PTPN14: variants seen among roughly 807,000 people sequenced by gnomAD.
The protein encoded by PTPN14 is protein tyrosine phosphatase non-receptor type 14, also known as tyrosine-protein phosphatase non-receptor type 14.
A neutral mutation model predicts 126.8 loss-of-function variants in PTPN14; 53 were observed. The ratio of observed to expected loss-of-function variants is 0.42; its 90% CI spans 0.34 to 0.53. The LOEUF (loss-of-function observed/expected upper bound fraction) is 0.53, where lower values mean the gene tolerates loss of function less well. PTPN14 is among the 20% of genes least tolerant of loss of function. The pLI is 0.08. For missense variants in PTPN14, 1,257 were observed against 1,552.9 expected (o/e 0.81, Z 3.20); for synonymous variants, 630 against 599.3 (o/e 1.05, Z -0.75).
chr1:214,402,459 A>T (rs867195328), intron 6 of PTPN14, among the ~76,000 whole-genome samples: 1 of 141,984 alleles, frequency 7.0e-6, no homozygotes, highest in Admixed American at 7.1e-5. Context: ...AAAAAAAAAA[A>T]GCCACGATGA....
At chr1:214,393,550 C>G (rs1193332200) in intron 10 of PTPN14, 145 bp downstream of exon 10, 7 of 673,104 alleles carry the variant, frequency 1.0e-5, no homozygotes, top group African/African-American at 1.8e-5. Flanking sequence ...GTTTTCATTC[C>G]TGCCCTGGCT....
intron 1 of PTPN14, among the ~76,000 whole-genome samples, chr1:214,523,410 T>C (rs1367656372): frequency 1.3e-5 from 2 of 152,174 alleles, no homozygotes; most frequent in Non-Finnish European, 2.9e-5. Flanking sequence ...GCTCTATGTT[T>C]CGATACACAG....
chr1:214,376,169 C>T (rs760347819), intron 15 of PTPN14, 50 bp downstream of exon 15: 3 of 1,551,872 alleles, frequency 1.9e-6, no homozygotes, highest in African/African-American at 2.7e-5. Context: ...GCATTTTTCC[C>T]TTTAACCCAG....
chr1:214,361,850 C>T (rs1232473391), intron 18 of PTPN14, among the ~76,000 whole-genome samples: 1 of 152,172 alleles, frequency 6.6e-6, no homozygotes, highest in African/African-American at 2.4e-5. Context: ...GACAGCTGTC[C>T]CCACTCCCCA....
chr1:214,391,683 C>G (rs930199631), intron 10 of PTPN14, among the ~76,000 whole-genome samples: 3 of 144,696 alleles, frequency 2.1e-5, no homozygotes, highest in Admixed American at 1.4e-4. Context: ...ATAATACTTT[C>G]CCTCATTCTC....
chr1:214,400,857 T>C (rs1164519167), intron 7 of PTPN14, among the ~76,000 whole-genome samples: 2 of 152,164 alleles, frequency 1.3e-5, no homozygotes, highest in African/African-American at 2.4e-5. Context: ...TTGATGCACA[T>C]GGGCAGTTCT....
At chr1:214,452,693 C>T (rs1272590155) in intron 2 of PTPN14, among the ~76,000 whole-genome samples, 1 of 152,120 alleles carries the variant, frequency 6.6e-6, no homozygotes, top group African/African-American at 2.4e-5. Context: ...AAGCCTAAAC[C>T]AGTTTAGTTT....
intron 2 of PTPN14, among the ~76,000 whole-genome samples, chr1:214,461,761 T>C (rs1425272860): frequency 6.6e-6 from 1 of 152,166 alleles, no homozygotes; most frequent in Admixed American, 6.5e-5. Context: ...TGAGCCATGA[T>C]CATGCCACTG....
Position 214,443,088 on chromosome 1 carries a change from G to A in PTPN14, c.344+8717C>T, listed in dbSNP as rs563279610. Among the ~76,000 whole-genome samples, 10 of 152,256 alleles carry A rather than the reference G, an allele frequency of 6.6e-5. 1 individual carries two copies. In the East Asian group the frequency reaches 1.9e-3, roughly 29 times the overall value. ...TCCACCCGCCTCAGCCTCCCAAAGT[G>A]CTGGGATTACAGGCGTGAACCACCG... On this transcript the variant is annotated intron_variant, in intron 3 of 18. Transcript: ENST00000366956.
At position 214,384,597 on chromosome 1, in the gene PTPN14, T is replaced by C. The variant is rs776855837; in HGVS notation, c.1258A>G (p.Ile420Val). 1.2e-5 allele frequency: 19 copies of C among 1,614,022 alleles called. No individual in the cohort carries two copies. In the South Asian group the frequency reaches 2.1e-4, roughly 18 times the overall value. ...CTCGGGATGTAGTCGGCCCGCATGA[T>C]GTCACTCCCAGGGATACTGAGGTTG... ...SSNLSIPGSD[I>V]MRADYIPSHR... is the part of the protein sequence containing the mutation. Residue 420 changes from isoleucine (I) to valine (V), a missense_variant, in exon 13 of 19, where the codon ATC becomes GTC. Ile to Val is a conservative substitution (Grantham distance 29). Around this residue, in one of 3 missense-constraint regions of PTPN14, gnomAD observed 1,021 missense variants for 1,183.3 expected, o/e 0.86. Transcript: ENST00000366956. The surrounding 1 kb of genome is among the most constrained non-coding windows in gnomAD (Gnocchi z 5.3).
At chr1:214,451,538 T>C (rs931624351) in intron 3 of PTPN14, among the ~76,000 whole-genome samples, 4 of 152,154 alleles carry the variant, frequency 2.6e-5, no homozygotes. Context: ...ATTTCCACGC[T>C]GCTAGAGATG....
At chr1:214,397,057 TGACA>T (rs769000754) in intron 8 of PTPN14, among the ~76,000 whole-genome samples, 13 of 152,176 alleles carry the variant, frequency 8.5e-5, no homozygotes, top group Non-Finnish European at 1.8e-4. Flanking sequence ...ATAAAAACAA[TGACA>T]GACTGGGGAT....
In PTPN14 at chr1:214,352,080, T is replaced by C. The variant is rs1657718810; in HGVS notation, c.*5842A>G. 6.6e-6 allele frequency: 1 copy of C among 152,248 alleles called. No homozygotes were observed. The highest frequency in any genetic ancestry group is 1.5e-5 in the Non-Finnish European group (1 of 68,060). The allele number at this position is 152,248 out of a possible 1,614,324, so 9.4% of individuals were successfully genotyped here. On this transcript the variant is annotated 3_prime_UTR_variant, in exon 19 of 19. Coordinates refer to ENST00000366956, the MANE Select transcript of PTPN14 (RefSeq NM_005401.5). Reference sequence around the variant, plus strand: ...GGCTGCCCAGTAGCTCCAGCCCTCCTGCCTTGTAACTCAATGTCCTTGAAT... The same window carrying C: ...GGCTGCCCAGTAGCTCCAGCCCTCCCGCCTTGTAACTCAATGTCCTTGAAT...
chr1:214,548,922 A>G (rs1187298080), intron 1 of PTPN14, among the ~76,000 whole-genome samples: 5 of 152,234 alleles, frequency 3.3e-5, no homozygotes, highest in South Asian at 4.1e-4. Flanking sequence ...AGTGTTAATA[A>G]TAATTACATG....
chr1:214,475,580 C>T (rs138138822), intron 1 of PTPN14, among the ~76,000 whole-genome samples: 1 of 152,200 alleles, frequency 6.6e-6, no homozygotes, highest in African/African-American at 2.4e-5. Flanking sequence ...AATTCCACTT[C>T]TTTTTGCTGT....
At chr1:214,431,232 A>G (rs1489467921) in intron 3 of PTPN14, among the ~76,000 whole-genome samples, 1 of 152,244 alleles carries the variant, frequency 6.6e-6, no homozygotes, top group Non-Finnish European at 1.5e-5. Context: ...ATGGTAAGAC[A>G]TTATGTATTT....
At chr1:214,362,159 A>G (rs886689578) in intron 18 of PTPN14, among the ~76,000 whole-genome samples, 8 of 152,194 alleles carry the variant, frequency 5.3e-5, no homozygotes, top group Non-Finnish European at 1.0e-4. Flanking sequence ...TTCTCCTGAA[A>G]TAGGGGCTTG....
At chr1:214,389,441 C>T (rs779779853) in intron 11 of PTPN14, among the ~76,000 whole-genome samples, 9 of 152,050 alleles carry the variant, frequency 5.9e-5, no homozygotes, top group South Asian at 2.1e-4. Flanking sequence ...ACAAACTTGA[C>T]GCCAAAATAT....
chr1:214,521,727 A>ACC (rs777733757), intron 1 of PTPN14, among the ~76,000 whole-genome samples: 7 of 144,350 alleles, frequency 4.8e-5, no homozygotes, highest in African/African-American at 2.0e-4. Context: ...AAGCACACCC[A>ACC]CACACACACA....
Sources: allele counts gnomAD v4.1 joint callset (sites outside exome capture counted in the v4.1 genomes callset), GRCh38; gene constraint gnomAD v4.1.1; regional missense constraint gnomAD v4.1.1; non-coding constraint Gnocchi (gnomAD v3.1); transcripts MANE v1.5; gene names NCBI Gene and HGNC (gene_info 2026-07-23, HGNC 2026-07-21).